The following RABGAP1L variants were observed in gnomAD, a reference collection of about 807,000 sequenced individuals.
The protein encoded by RABGAP1L is rab GTPase-activating protein 1-like.
RABGAP1L carries 63 observed loss-of-function variants against 137.7 expected under a neutral mutation model. The observed-to-expected ratio is 0.46, with a 90% CI of 0.37 to 0.56. The LOEUF is 0.56. Among genes scored for constraint, RABGAP1L ranks in the 20% least tolerant of loss-of-function variants. The pLI is 0.00. For missense variants in RABGAP1L, 1,095 were observed against 1,244.0 expected (o/e 0.88, Z 1.80); for synonymous variants, 431 against 433.7 (o/e 0.99, Z 0.08).
chr1:174,559,381 T>A (rs1228953095), intron 13 of RABGAP1L, among the ~76,000 whole-genome samples: 2 of 152,198 alleles, frequency 1.3e-5, no homozygotes, highest in African/African-American at 4.8e-5. Context: ...GCATAGGGAC[T>A]TCAGATCACT....
chr1:174,205,160 T>TGTGGTGGATTAGCTTTTTGATGTG (rs1668418396), intron 1 of RABGAP1L, among the ~76,000 whole-genome samples: 1 of 152,192 alleles, frequency 6.6e-6, no homozygotes, highest in Non-Finnish European at 1.5e-5. Context: ...GCTGCTTGAT[T>TGTGGTGGATTAGCTTTTTGATGTG]GTGGTGGATT....
chr1:174,609,750 A>G (rs1671050786), intron 13 of RABGAP1L, among the ~76,000 whole-genome samples: 1 of 152,190 alleles, frequency 6.6e-6, no homozygotes, highest in Non-Finnish European at 1.5e-5. Flanking sequence ...TATACACCTT[A>G]ATTATGTAAT....
intron 1 of RABGAP1L, among the ~76,000 whole-genome samples, chr1:174,210,202 C>T (rs1668782381): frequency 6.6e-6 from 1 of 152,152 alleles, no homozygotes; most frequent in South Asian, 2.1e-4. Context: ...CGCAGATGAA[C>T]ATCGACAAGC....
intron 19 of RABGAP1L, among the ~76,000 whole-genome samples, chr1:174,880,575 C>A (rs912509099): frequency 4.8e-5 from 7 of 145,762 alleles, no homozygotes; most frequent in African/African-American, 7.5e-5. Context: ...CTCCCTCCCT[C>A]TCTTCCTTCC....
chr1:174,646,106 A>G (rs1376430534), intron 14 of RABGAP1L, among the ~76,000 whole-genome samples: 1 of 151,952 alleles, frequency 6.6e-6, no homozygotes, highest in African/African-American at 2.4e-5. Context: ...TAGATTCTGG[A>G]TATTAGCCCT....
At chr1:174,332,271 A>G (rs985376839) in intron 11 of RABGAP1L, among the ~76,000 whole-genome samples, 1 of 152,170 alleles carries the variant, frequency 6.6e-6, no homozygotes, top group Admixed American at 6.5e-5. Context: ...CAATCTAATA[A>G]AGTACATCTT....
intron 13 of RABGAP1L, among the ~76,000 whole-genome samples, chr1:174,600,031 TA>T (rs1438626559): frequency 6.6e-6 from 1 of 152,114 alleles, no homozygotes; most frequent in Non-Finnish European, 1.5e-5. Context: ...TAATTGGACT[TA>T]CAGTTCGACA....
chr1:174,533,820 G>A (rs1321788229), intron 13 of RABGAP1L, among the ~76,000 whole-genome samples: 4 of 151,886 alleles, frequency 2.6e-5, no homozygotes, highest in African/African-American at 7.3e-5. Context: ...ACAGGTGCCC[G>A]CCACCACACC....
chr1:174,611,343 T>G (rs1032741297), intron 13 of RABGAP1L, among the ~76,000 whole-genome samples: 1 of 152,154 alleles, frequency 6.6e-6, no homozygotes, highest in African/African-American at 2.4e-5. Context: ...TTTTCTCAGG[T>G]TTGTCAAAAA....
chr1:174,925,400 A>C (rs1271303966), intron 19 of RABGAP1L, among the ~76,000 whole-genome samples: 1 of 151,758 alleles, frequency 6.6e-6, no homozygotes, highest in Non-Finnish European at 1.5e-5. Flanking sequence ...CAACAACAAA[A>C]AAAACAGCTG....
intron 14 of RABGAP1L, among the ~76,000 whole-genome samples, chr1:174,644,284 C>T (rs1018463701): frequency 5.3e-5 from 8 of 152,096 alleles, no homozygotes; most frequent in Non-Finnish European, 1.2e-4. Flanking sequence ...TGGTCTTAGT[C>T]CCTAAGAGCT....
At chr1:174,581,463 A>G (rs999103142) in intron 13 of RABGAP1L, among the ~76,000 whole-genome samples, 1 of 152,368 alleles carries the variant, frequency 6.6e-6, no homozygotes, top group East Asian at 1.9e-4. Context: ...GATTCTGCAT[A>G]TATGAGATGT....
intron 15 of RABGAP1L, among the ~76,000 whole-genome samples, chr1:174,696,331 G>T (rs1309303166): frequency 6.6e-6 from 1 of 151,926 alleles, no homozygotes; most frequent in African/African-American, 2.4e-5. Context: ...CTCCCAAGCT[G>T]CCCTGCCTGG....
intron 19 of RABGAP1L, among the ~76,000 whole-genome samples, chr1:174,932,224 T>A (rs1663953519): frequency 6.6e-6 from 1 of 151,492 alleles, no homozygotes; most frequent in South Asian, 2.1e-4. Flanking sequence ...CAAAGAGGGA[T>A]GTTTATTCAT....
At chr1:174,665,203 C>G (rs953240416) in intron 14 of RABGAP1L, among the ~76,000 whole-genome samples, 3 of 152,104 alleles carry the variant, frequency 2.0e-5, no homozygotes, top group African/African-American at 7.2e-5. Context: ...GGCTAAGTGC[C>G]TGGGCTCTGG....
chr1:174,985,513 C>T (rs1209921938), intron 24 of RABGAP1L, among the ~76,000 whole-genome samples: 2 of 152,242 alleles, frequency 1.3e-5, no homozygotes, highest in African/African-American at 4.8e-5. Flanking sequence ...GGAAGTCAGA[C>T]TCTAAAGTCA....
chr1:174,661,255 A>G (rs2148419649), intron 14 of RABGAP1L, among the ~76,000 whole-genome samples: 1 of 152,342 alleles, frequency 6.6e-6, no homozygotes, highest in South Asian at 2.1e-4. Context: ...GAACCTCATA[A>G]CCATATTGAT....
chr1:174,298,354 C>G (rs992146678), intron 10 of RABGAP1L, among the ~76,000 whole-genome samples: 1 of 152,202 alleles, frequency 6.6e-6, no homozygotes, highest in South Asian at 2.1e-4. Context: ...TCACCTATGT[C>G]TCTTTCTCAC....
chr1:174,518,706 C>G (rs1475610028), intron 13 of RABGAP1L, among the ~76,000 whole-genome samples: 7 of 152,094 alleles, frequency 4.6e-5, no homozygotes, highest in Non-Finnish European at 1.0e-4. Context: ...ATGAATGGTG[C>G]CTTCTGGAAG....
Sources: gnomAD v4.1 joint callset for allele counts (sites outside exome capture counted in the v4.1 genomes callset) on GRCh38, gnomAD v4.1.1 for gene constraint, MANE v1.5 for transcripts, NCBI Gene and HGNC (gene_info 2026-07-23, HGNC 2026-07-21) for gene names.